Variants in EYS observed in about 807,000 individuals in gnomAD.
EYS encodes EGF-like photoreceptor maintenance factor, also known as protein eyes shut homolog.
In EYS, 250 loss-of-function variants were observed where a neutral mutation model predicts 282.1. The observed-to-expected ratio is 0.89, with a 90% confidence interval of 0.80 to 0.98. The LOEUF is 0.98. Among genes scored for constraint, EYS ranks in the 50% least tolerant of loss-of-function variants. The pLI is 0.00. For missense variants in EYS, 4,016 were observed against 3,709.0 expected (o/e 1.08, Z -2.15); for synonymous variants, 1,355 against 1,282.9 (o/e 1.06, Z -1.20).
intron 12 of EYS, among the ~76,000 whole-genome samples, chr6:65,118,718 G>A (rs1421806982): frequency 6.6e-6 from 1 of 152,160 alleles, no homozygotes; most frequent in Non-Finnish European, 1.5e-5. Context: ...CCACAAGAGA[G>A]TTTTAAGTTG....
intron 41 of EYS, among the ~76,000 whole-genome samples, chr6:63,741,106 T>G (rs181972261): frequency 6.6e-6 from 1 of 152,310 alleles, no homozygotes; most frequent in East Asian, 1.9e-4. Context: ...TCAGGGATGG[T>G]CAGAGTAAGG....
intron 5 of EYS, among the ~76,000 whole-genome samples, chr6:65,461,556 T>G: frequency 6.6e-6 from 1 of 152,082 alleles, no homozygotes; most frequent in East Asian, 1.9e-4. Context: ...CTGAAACATC[T>G]GCTGTGTATG....
rs141552260 is a variant in EYS at position 65,099,711 on chromosome 6, G to A, written c.2024-41984C>T. Among the ~76,000 whole-genome samples the A allele has an allele frequency of 7.5e-3, 1,129 of 150,644 alleles. 21 individuals carry two copies. The highest frequency in any genetic ancestry group is 0.024 in the African/African-American group (1,012 of 41,322). On this transcript the variant is annotated intron_variant, in intron 12 of 42. Coordinates refer to ENST00000503581, the MANE Select transcript of EYS (RefSeq NM_001142800.2). ...GAAATATGTTTAAGTATGTGGGATG[G>A]GCATGAAATAGAGTATACTTTCTAC...
chr6:65,389,996 T>A (rs934336126), intron 7 of EYS, among the ~76,000 whole-genome samples: 6 of 152,028 alleles, frequency 3.9e-5, no homozygotes, highest in African/African-American at 7.2e-5. Flanking sequence ...GTTGCTTTTT[T>A]AAAAATTTAT....
At chr6:64,661,607 T>C (rs1406980154) in intron 22 of EYS, among the ~76,000 whole-genome samples, 8 of 151,574 alleles carry the variant, frequency 5.3e-5, no homozygotes, top group African/African-American at 9.7e-5. Context: ...AGAAGACATT[T>C]ATGCAGCCAA....
Position 65,235,646 on chromosome 6 carries a change from T to C in EYS, c.2023+60217A>G, listed in dbSNP as rs570939377. On this transcript the variant is annotated intron_variant, in intron 12 of 42. Coordinates refer to ENST00000503581, the MANE Select transcript of EYS (RefSeq NM_001142800.2). The stretch of plus-strand genomic sequence containing the variant: ...TGAACAAGTCGCTAATCTTCAGAGT[T>C]TGAGCTTCAATATTTTAAGATGGCA... 7.2e-5 allele frequency among the ~76,000 whole-genome samples: 11 copies of C among 152,314 alleles called. No homozygotes were observed. In the South Asian group the frequency reaches 2.3e-3, roughly 32 times the overall value.
chr6:65,191,831 A>T (rs1423216274), intron 12 of EYS, among the ~76,000 whole-genome samples: 1 of 151,842 alleles, frequency 6.6e-6, no homozygotes, highest in African/African-American at 2.4e-5. Flanking sequence ...AAAGGTTCTG[A>T]CCCTGTGAAA....
At chr6:64,691,388 A>G (rs1316257090) in intron 22 of EYS, among the ~76,000 whole-genome samples, 2 of 152,226 alleles carry the variant, frequency 1.3e-5, no homozygotes, top group Non-Finnish European at 2.9e-5. Context: ...TGGAACCTAC[A>G]GAACAGCTAA....
intron 39 of EYS, among the ~76,000 whole-genome samples, chr6:63,780,626 T>A (rs1373696928): frequency 7.8e-6 from 1 of 128,554 alleles, no homozygotes; most frequent in Admixed American, 8.0e-5. Context: ...TTGTTTAAGT[T>A]TTTTGTAGAT....
At chr6:63,965,486 TG>T (rs1277221896) in intron 35 of EYS, among the ~76,000 whole-genome samples, 7 of 152,214 alleles carry the variant, frequency 4.6e-5, no homozygotes, top group African/African-American at 1.7e-4. Context: ...TCATTTTTGA[TG>T]AGCAGGGAAA....
chr6:63,739,359 G>T (rs2149640820), intron 41 of EYS, among the ~76,000 whole-genome samples: 1 of 152,150 alleles, frequency 6.6e-6, no homozygotes, highest in South Asian at 2.1e-4. Context: ...GAGCTCTGGA[G>T]CTCCCTGGAG....
intron 2 of EYS, among the ~76,000 whole-genome samples, chr6:65,615,798 G>T (rs1252901306): frequency 6.6e-6 from 1 of 151,922 alleles, no homozygotes; most frequent in Non-Finnish European, 1.5e-5. Flanking sequence ...GCCGGTCGTG[G>T]TGGCGGGCGC....
At chr6:64,349,188 C>T (rs1006308220) in intron 29 of EYS, among the ~76,000 whole-genome samples, 1 of 151,202 alleles carries the variant, frequency 6.6e-6, no homozygotes, top group Non-Finnish European at 1.5e-5. Context: ...CTTTGAAAAG[C>T]AATGTATAAT....
At chr6:64,986,043 G>T (rs983798100) in intron 14 of EYS, among the ~76,000 whole-genome samples, 1 of 151,424 alleles carries the variant, frequency 6.6e-6, no homozygotes, top group East Asian at 1.9e-4. Flanking sequence ...TCATATGGAA[G>T]AATCTATATC....
chr6:65,263,333 C>A (rs1264954115), intron 12 of EYS, among the ~76,000 whole-genome samples: 1 of 151,854 alleles, frequency 6.6e-6, no homozygotes, highest in African/African-American at 2.4e-5. Flanking sequence ...AGAGCGAGAC[C>A]CTTTCTCAAA....
chr6:64,817,657 T>C (rs942060165), intron 21 of EYS, among the ~76,000 whole-genome samples: 2 of 152,146 alleles, frequency 1.3e-5, no homozygotes, highest in African/African-American at 2.4e-5. Flanking sequence ...TTTATCTCCA[T>C]AGGTGTTGAA....
At chr6:65,018,374 T>C (rs771431300) in intron 13 of EYS, among the ~76,000 whole-genome samples, 1 of 152,160 alleles carries the variant, frequency 6.6e-6, no homozygotes, top group African/African-American at 2.4e-5. Context: ...TAGTTGTAGA[T>C]GCATCACCCT....
At chr6:63,839,412 A>AAT (rs1274080655) in intron 36 of EYS, among the ~76,000 whole-genome samples, 1 of 152,236 alleles carries the variant, frequency 6.6e-6, no homozygotes, top group East Asian at 1.9e-4. Context: ...TTCAAAGATG[A>AAT]ATAGCATTCC....
intron 5 of EYS, among the ~76,000 whole-genome samples, chr6:65,475,994 TA>T (rs1164227100): frequency 6.6e-6 from 1 of 152,110 alleles, no homozygotes; most frequent in African/African-American, 2.4e-5. Context: ...TATACAAGTA[TA>T]ACACCTCTTA....
Sources: allele counts gnomAD v4.1 joint callset (sites outside exome capture counted in the v4.1 genomes callset), GRCh38; gene constraint gnomAD v4.1.1; transcripts MANE v1.5; gene names NCBI Gene and HGNC (gene_info 2026-07-23, HGNC 2026-07-21).